The following ANXA4 variants were observed in gnomAD, a reference collection of about 807,000 sequenced individuals.
The protein encoded by ANXA4 is 35-beta calcimedin.
Under a neutral mutation model 49.8 loss-of-function variants are expected in ANXA4, and 39 were observed. The observed-to-expected ratio is 0.78, with a 90% CI of 0.61 to 1.02. ANXA4 has a LOEUF of 1.02. Among genes scored for constraint, ANXA4 ranks in the 50% least tolerant of loss-of-function variants. ANXA4 has a pLI of 0.00. For missense variants in ANXA4, 360 were observed against 410.1 expected (o/e 0.88, Z 1.05); for synonymous variants, 134 against 152.5 (o/e 0.88, Z 0.89).
intron 1 of ANXA4, among the ~76,000 whole-genome samples, chr2:69,757,264 ATATTTTTTT>A (rs1343451969): frequency 4.1e-3 from 116 of 28,004 alleles, no homozygotes; most frequent in African/African-American, 0.017. Flanking sequence ...ATATATATAT[ATATTTTTTT>A]TTTTTTTTTT....
chr2:69,650,215 C>T (rs1052762280), intron 1 of ANXA4, among the ~76,000 whole-genome samples: 1 of 152,014 alleles, frequency 6.6e-6, no homozygotes, highest in Non-Finnish European at 1.5e-5. Flanking sequence ...GGATTACAGG[C>T]ATGAGCCACC....
intron 1 of ANXA4, among the ~76,000 whole-genome samples, chr2:69,759,129 CAAA>C (rs35878649): frequency 0.55 from 64,706 of 118,700 alleles, 14,526 homozygotes; most frequent in East Asian, 0.78. Context: ...GACTCTGTCT[CAAA>C]AAAAAAAAAA....
At chr2:69,791,329 C>T (rs1257994834) in intron 3 of ANXA4, among the ~76,000 whole-genome samples, 1 of 152,228 alleles carries the variant, frequency 6.6e-6, no homozygotes, top group Non-Finnish European at 1.5e-5. Context: ...ATATACCCTT[C>T]TAGTCAAAGC....
At chr2:69,730,358 C>T (rs1479656697) in intron 3 of ANXA4, among the ~76,000 whole-genome samples, 1 of 152,184 alleles carries the variant, frequency 6.6e-6, no homozygotes, top group Non-Finnish European at 1.5e-5. Flanking sequence ...AAAAATTAGC[C>T]AGGCATGGTG....
At chr2:69,655,074 CT>C (rs758384888) in intron 2 of ANXA4, among the ~76,000 whole-genome samples, 2 of 152,154 alleles carry the variant, frequency 1.3e-5, no homozygotes, top group African/African-American at 2.4e-5. Context: ...CATAAAAACC[CT>C]AGAAGAAAAC....
At chr2:69,757,772 C>T (rs945129537) in intron 1 of ANXA4, among the ~76,000 whole-genome samples, 15 of 151,394 alleles carry the variant, frequency 9.9e-5, no homozygotes, top group African/African-American at 3.4e-4. Context: ...TCCTGGGCAA[C>T]ATGGTGAAAT....
chr2:69,656,395 A>G (rs1470454592), intron 2 of ANXA4, among the ~76,000 whole-genome samples: 10 of 87,932 alleles, frequency 1.1e-4, no homozygotes, highest in African/African-American at 3.1e-4. Context: ...ATATGTGTAT[A>G]TATATGTATA....
In ANXA4 at chr2:69,675,375, T is replaced by C. The variant is rs1421495217; in HGVS notation, n.766+22093T>C. ...ATGGCATGTGAGTCTCATGACCTTA[T>C]AGTCATGTTGACAATACTCTATCAC... On this transcript the variant is annotated intron_variant and non_coding_transcript_variant, in intron 2 of 3. Coordinates refer to the ANXA4 transcript ENST00000418066. 2.0e-5 allele frequency among the ~76,000 whole-genome samples: 3 copies of C among 152,238 alleles called. No individual in the cohort carries two copies. The East Asian group carries it at 5.8e-4, about 29-fold the overall frequency.
intron 2 of ANXA4, among the ~76,000 whole-genome samples, chr2:69,714,330 G>A (rs1678797566): frequency 6.6e-6 from 1 of 152,062 alleles, no homozygotes; most frequent in African/African-American, 2.4e-5. Flanking sequence ...CCGGAAGGGA[G>A]GAAGGATGCG....
At chr2:69,766,027 T>C (rs766513864) in intron 1 of ANXA4, among the ~76,000 whole-genome samples, 9 of 152,144 alleles carry the variant, frequency 5.9e-5, no homozygotes, top group Non-Finnish European at 1.2e-4. Flanking sequence ...GGATGAGAAT[T>C]TGGAGAGGGA....
intron 2 of ANXA4, among the ~76,000 whole-genome samples, chr2:69,684,429 A>G (rs753813118): frequency 1.8e-4 from 28 of 152,160 alleles, no homozygotes; most frequent in African/African-American, 4.3e-4. Context: ...TCTTTGTAGT[A>G]AAGTTTGAGG....
intron 3 of ANXA4, among the ~76,000 whole-genome samples, chr2:69,726,262 A>G (rs1573153375): frequency 2.0e-5 from 3 of 152,080 alleles, no homozygotes; most frequent in Non-Finnish European, 4.4e-5. Flanking sequence ...CCTTGCTTCC[A>G]TTTTACCTTC....
intron 2 of ANXA4, among the ~76,000 whole-genome samples, chr2:69,677,306 T>C (rs1677446572): frequency 6.6e-6 from 1 of 152,170 alleles, no homozygotes; most frequent in Non-Finnish European, 1.5e-5. Flanking sequence ...CTTGGCTCAC[T>C]GCAACCTCTG....
intron 1 of ANXA4, among the ~76,000 whole-genome samples, chr2:69,766,127 G>A (rs1671483845): frequency 2.6e-5 from 4 of 152,208 alleles, no homozygotes; most frequent in Non-Finnish European, 4.4e-5. Flanking sequence ...GTGACCAAAA[G>A]AACCACAAAG....
At chr2:69,694,592 C>G (rs1312451915) in intron 2 of ANXA4, among the ~76,000 whole-genome samples, 1 of 131,952 alleles carries the variant, frequency 7.6e-6, no homozygotes, top group Non-Finnish European at 1.5e-5. Context: ...TCTCATTGTT[C>G]AATTCCCACC....
At chr2:69,794,522 A>ATTATGTTATG (rs58396740) in intron 3 of ANXA4, among the ~76,000 whole-genome samples, 23,843 of 125,882 alleles carry the variant, frequency 0.19, 2,231 homozygotes, top group South Asian at 0.25. Flanking sequence ...GTTATGTTAT[A>ATTATGTTATG]TTATGTTATG....
intron 5 of ANXA4, 58 bp from the exon 6 acceptor site, chr2:69,807,848 C>T: frequency 7.1e-7 from 1 of 1,409,392 alleles, no homozygotes; most frequent in Non-Finnish European, 1.0e-6. Context: ...CCTTCTGTGT[C>T]TGGGCCTCAG....
At chr2:69,778,912 A>G (rs1442948183) in intron 1 of ANXA4, among the ~76,000 whole-genome samples, 3 of 151,934 alleles carry the variant, frequency 2.0e-5, no homozygotes, top group East Asian at 3.8e-4. Flanking sequence ...AGCCTGGCCA[A>G]TATGGTGAAA....
intron 12 of ANXA4, among the ~76,000 whole-genome samples, 175 bp from the exon 13 acceptor site, chr2:69,825,281 T>C (rs939239166): frequency 1.3e-5 from 2 of 152,130 alleles, no homozygotes; most frequent in African/African-American, 4.8e-5. Context: ...TTTTGTGTTC[T>C]TTTTTGTCTT....
Sources: gnomAD v4.1 joint callset for allele counts (sites outside exome capture counted in the v4.1 genomes callset) on GRCh38, gnomAD v4.1.1 for gene constraint, MANE v1.5 for transcripts, NCBI Gene and HGNC (gene_info 2026-07-23, HGNC 2026-07-21) for gene names.